The following CTNND2 variants were observed in gnomAD, a reference collection of about 807,000 sequenced individuals.
The protein encoded by CTNND2 is catenin delta 2, also known as catenin delta-2.
CTNND2 carries 22 observed loss-of-function variants against 144.4 expected under a neutral mutation model. That is an observed-to-expected ratio of 0.15 (90% CI 0.11 to 0.22). The LOEUF (loss-of-function observed/expected upper bound fraction) is 0.22, where lower values mean the gene tolerates loss of function less well. Ranked by LOEUF, CTNND2 falls within the 10% of genes least tolerant of loss-of-function variation. The pLI is 1.00. For synonymous variants in CTNND2, 751 were observed against 695.6 expected, an observed-to-expected ratio of 1.08 and a Z score of -1.25; for missense variants, 1,353 against 1,618.8, an observed-to-expected ratio of 0.84 and a Z score of 2.82.
chr5:11,301,421 C>CGT (rs1245980191), intron 9 of CTNND2, among the ~76,000 whole-genome samples: 1 of 152,026 alleles, frequency 6.6e-6, no homozygotes, highest in African/African-American at 2.4e-5. Flanking sequence ...GAGATTCCAA[C>CGT]GTGTGTGTGT....
rs1047870084 is a variant in CTNND2 at position 11,230,936 on chromosome 5, C to T, written c.1761+5755G>A. 9.3e-5 allele frequency among the ~76,000 whole-genome samples: 14 copies of T among 150,138 alleles called. 1 individual carries two copies. The highest frequency in any genetic ancestry group is 4.6e-4 in the Admixed American group (7 of 15,150). ...AGCCCTCCCTCCTCAGTTCACCTCA[C>T]TGCTGGGAGGGTGATATGGTTTGGT... On this transcript the variant is annotated intron_variant, in intron 10 of 21. Transcript: ENST00000304623.
chr5:11,583,135 C>T (rs1198735603), intron 2 of CTNND2, among the ~76,000 whole-genome samples: 1 of 152,188 alleles, frequency 6.6e-6, no homozygotes, highest in African/African-American at 2.4e-5. Context: ...TTAGGATGGG[C>T]GTAGCCTCTA....
At chr5:11,591,238 T>A (rs1779225043) in intron 2 of CTNND2, among the ~76,000 whole-genome samples, 1 of 152,200 alleles carries the variant, frequency 6.6e-6, no homozygotes. Context: ...CTTAGAAGGT[T>A]ATACAACTTT....
At chr5:11,200,817 T>C (rs1580569055) in intron 10 of CTNND2, among the ~76,000 whole-genome samples, 1 of 152,248 alleles carries the variant, frequency 6.6e-6, no homozygotes, top group Non-Finnish European at 1.5e-5. Flanking sequence ...TAACTGGGAC[T>C]ATAGGCGTCC....
chr5:11,134,168 G>C (rs1261547055), intron 12 of CTNND2, among the ~76,000 whole-genome samples: 3 of 152,156 alleles, frequency 2.0e-5, no homozygotes, highest in Non-Finnish European at 4.4e-5. Context: ...AGGTAGTGGG[G>C]CTACTCAGGT....
At position 11,719,406 on chromosome 5, in the gene CTNND2, C is replaced by T. The variant is rs558394416; in HGVS notation, c.174+12730G>A. On this transcript the variant is annotated intron_variant, in intron 2 of 21. Coordinates refer to ENST00000304623, the MANE Select transcript of CTNND2 (RefSeq NM_001332.4). ...TTTCCCCCTAATTAACAAAGATAAT[C>T]AGATGTCCCACCTCAAGTCCTTACC... Among the ~76,000 whole-genome samples the T allele has an allele frequency of 2.6e-5, 4 of 152,228 alleles. No individual in the cohort carries two copies. The East Asian group carries it at 7.7e-4, about 29-fold the overall frequency.
chr5:11,213,359 C>T (rs1738837519), intron 10 of CTNND2, among the ~76,000 whole-genome samples: 1 of 152,146 alleles, frequency 6.6e-6, no homozygotes, highest in Non-Finnish European at 1.5e-5. Flanking sequence ...ACCACTATGA[C>T]CCGCTCTTTC....
In CTNND2 at chr5:11,262,811, T is replaced by G. The variant is rs376349020; in HGVS notation, c.1629-25988A>C. On this transcript the variant is annotated intron_variant, in intron 9 of 21. Coordinates refer to ENST00000304623, the MANE Select transcript of CTNND2 (RefSeq NM_001332.4). ...AAAGAAAGAAAGAAAGAAACGAAATTTGTTGAAATTGTGTTCTTTGCCACA... is the reference window on the plus strand; with the variant it reads ...AAAGAAAGAAAGAAAGAAACGAAATGTGTTGAAATTGTGTTCTTTGCCACA... 3.5e-3 allele frequency among the ~76,000 whole-genome samples: 502 copies of G among 143,834 alleles called. 4 individuals carry two copies. The highest frequency in any genetic ancestry group is 0.012 in the African/African-American group (481 of 38,926). 94.4% of individuals were successfully genotyped at this position (143,834 alleles called of 152,430 possible). A position where few individuals can be genotyped will look rare whatever the true frequency, so the allele number is the denominator to read the frequency against.
intron 16 of CTNND2, among the ~76,000 whole-genome samples, chr5:11,040,219 C>G (rs1003362984): frequency 6.6e-6 from 1 of 152,080 alleles, no homozygotes; most frequent in African/African-American, 2.4e-5. Flanking sequence ...GCACTCTAGC[C>G]TGGGTGACAG....
At chr5:11,077,582 C>T (rs753668749) in intron 16 of CTNND2, among the ~76,000 whole-genome samples, 2 of 152,130 alleles carry the variant, frequency 1.3e-5, no homozygotes, top group Non-Finnish European at 2.9e-5. Flanking sequence ...TCCACATCTG[C>T]CCTGCAAAGA....
intron 3 of CTNND2, among the ~76,000 whole-genome samples, chr5:11,516,979 A>T (rs770384615): frequency 9.9e-5 from 15 of 152,240 alleles, no homozygotes; most frequent in Admixed American, 2.0e-4. Context: ...CTACTATATA[A>T]ATTGAATTCT....
chr5:11,468,107 G>T (rs983535842), intron 3 of CTNND2, among the ~76,000 whole-genome samples: 2 of 152,154 alleles, frequency 1.3e-5, no homozygotes, highest in Non-Finnish European at 2.9e-5. Flanking sequence ...AACTGCACAG[G>T]CAGAAGGGCA....
At chr5:11,364,383 G>T (rs1756763243) in intron 8 of CTNND2, among the ~76,000 whole-genome samples, 3 of 152,184 alleles carry the variant, frequency 2.0e-5, no homozygotes, top group Admixed American at 1.3e-4. Context: ...CGTCCTTGGG[G>T]TACTTAGATT....
intron 14 of CTNND2, among the ~76,000 whole-genome samples, chr5:11,108,276 C>T (rs777413008): frequency 9.9e-5 from 15 of 152,136 alleles, no homozygotes; most frequent in Non-Finnish European, 1.6e-4. Context: ...GGAAAGAGTG[C>T]GGGCAAGAAG....
chr5:10,979,689 G>T (rs1736972647), intron 21 of CTNND2, among the ~76,000 whole-genome samples: 1 of 152,098 alleles, frequency 6.6e-6, no homozygotes, highest in South Asian at 2.1e-4. Context: ...GGTTCCTTAA[G>T]AATCTACTGT....
intron 9 of CTNND2, among the ~76,000 whole-genome samples, chr5:11,340,951 T>C (rs1189628970): frequency 1.3e-5 from 2 of 152,228 alleles, no homozygotes; most frequent in East Asian, 1.9e-4. Flanking sequence ...ATCATCATTG[T>C]TATCATCAAC....
intron 2 of CTNND2, among the ~76,000 whole-genome samples, chr5:11,716,135 A>T (rs1342670564): frequency 6.6e-6 from 1 of 152,224 alleles, no homozygotes; most frequent in East Asian, 1.9e-4. Context: ...CAGAGTGAGC[A>T]ATTAGGGCTT....
At chr5:11,516,188 A>G (rs1185595635) in intron 3 of CTNND2, among the ~76,000 whole-genome samples, 1 of 152,146 alleles carries the variant, frequency 6.6e-6, no homozygotes, top group East Asian at 1.9e-4. Flanking sequence ...AAATTGTCAG[A>G]GTCACCACAA....
chr5:11,525,364 C>T (rs925848968), intron 3 of CTNND2, among the ~76,000 whole-genome samples: 1 of 152,070 alleles, frequency 6.6e-6, no homozygotes, highest in African/African-American at 2.4e-5. Flanking sequence ...CAAACTGATA[C>T]ATTGTCTTTT....
Sources: allele counts gnomAD v4.1 joint callset (sites outside exome capture counted in the v4.1 genomes callset), GRCh38; gene constraint gnomAD v4.1.1; transcripts MANE v1.5; gene names NCBI Gene and HGNC (gene_info 2026-07-23, HGNC 2026-07-21).